The following KDM2B variants were observed in gnomAD, a reference collection of about 807,000 sequenced individuals.
KDM2B encodes lysine-specific demethylase 2B.
Under a neutral mutation model 150.0 loss-of-function variants are expected in KDM2B, and 26 were observed. The observed-to-expected ratio is 0.17, with a 90% CI of 0.13 to 0.24. The LOEUF (loss-of-function observed/expected upper bound fraction) is 0.24, where lower values mean the gene tolerates loss of function less well. KDM2B is among the 10% of genes least tolerant of loss of function. The probability of loss-of-function intolerance (pLI) is 1.00; values close to 1 mark genes in which losing one functional copy is unlikely to be tolerated. For missense variants in KDM2B, 1,265 were observed against 1,816.9 expected (o/e 0.70, Z 5.52); for synonymous variants, 734 against 729.5 (o/e 1.01, Z -0.10).
intron 11 of KDM2B, among the ~76,000 whole-genome samples, chr12:121,497,609 G>C (rs929638639): frequency 3.3e-5 from 5 of 151,622 alleles, no homozygotes; most frequent in Admixed American, 1.3e-4. Context: ...CCTGGCCCCA[G>C]AGTTTTTATA....
Position 121,442,122 on chromosome 12 carries a change from C to T in KDM2B, c.3284+35G>A. On this transcript the variant is annotated intron_variant, in intron 19 of 22. Transcript: ENST00000377071. This position sits in a 1 kb window ranked among gnomAD's most constrained non-coding sequence, Gnocchi z 7.7. Reference sequence around the variant, plus strand: ...CGGGCCATCCCTGGTGCCGCCTGAGCCTTAACCTAGAGCCCTACACAGGCC... The same window carrying T: ...CGGGCCATCCCTGGTGCCGCCTGAGTCTTAACCTAGAGCCCTACACAGGCC... 6.3e-7 allele frequency: 1 copy of T among 1,590,118 alleles called. No homozygotes were observed. The highest frequency in any genetic ancestry group is 1.1e-5 in the South Asian group (1 of 90,494).
In KDM2B at chr12:121,534,468, A is replaced by G. The variant is rs1276049167; in HGVS notation, c.777+29T>C. ...TCCCCACACAAACAGCTAGAGATGC[A>G]TAGAAAGTTAAAGGCAACTGAAACT... On this transcript the variant is annotated intron_variant, in intron 7 of 22. Coordinates refer to ENST00000377071, the MANE Select transcript of KDM2B (RefSeq NM_032590.5). The G allele has an allele frequency of 2.6e-6, 4 of 1,547,746 alleles. No individual in the cohort carries two copies. The African/African-American group carries it at 4.1e-5, about 16-fold the overall frequency.
At chr12:121,441,603 A>AT (rs1241032323) in intron 19 of KDM2B, among the ~76,000 whole-genome samples, 1 of 151,942 alleles carries the variant, frequency 6.6e-6, no homozygotes, top group African/African-American at 2.4e-5. Context: ...CACCCGGCTA[A>AT]TTTTTTTATT....
chr12:121,500,973 T>C (rs1555301835), intron 11 of KDM2B, among the ~76,000 whole-genome samples: 1 of 152,130 alleles, frequency 6.6e-6, no homozygotes, highest in Non-Finnish European at 1.5e-5. Flanking sequence ...TGGCGGCACA[T>C]GCCCATAGTC....
At chr12:121,534,162 A>G (rs367698249) in intron 7 of KDM2B, among the ~76,000 whole-genome samples, 1 of 152,196 alleles carries the variant, frequency 6.6e-6, no homozygotes, top group African/African-American at 2.4e-5. Context: ...ATCCTGGCTA[A>G]CACGGTGAAA....
chr12:121,447,585 C>T (rs1876489986), intron 13 of KDM2B, among the ~76,000 whole-genome samples: 1 of 152,030 alleles, frequency 6.6e-6, no homozygotes, highest in South Asian at 2.1e-4. Context: ...CAGAGATTTA[C>T]AAAAATATAA....
chr12:121,478,568 C>T (rs1555297224), intron 12 of KDM2B, among the ~76,000 whole-genome samples: 1 of 151,750 alleles, frequency 6.6e-6, no homozygotes, highest in Non-Finnish European at 1.5e-5. Context: ...ACCGTGTTAA[C>T]CAGGATGGTC....
intron 21 of KDM2B, 80 bp from the exon 22 acceptor site, chr12:121,440,155 C>A: frequency 3.0e-6 from 3 of 1,006,112 alleles, no homozygotes; most frequent in Non-Finnish European, 4.5e-6. Context: ...CTCTAAAAGG[C>A]CCACCAGCCA....
the KDM2B span, chr12:121,417,465 T>A: frequency 6.4e-7 from 1 of 1,559,980 alleles, no homozygotes. This position sits in a 1 kb window ranked among gnomAD's most constrained non-coding sequence, Gnocchi z 5.0. Context: ...TTCATAATGG[T>A]TTATATCTTG....
intron 12 of KDM2B, among the ~76,000 whole-genome samples, chr12:121,489,673 C>G (rs1442093038): frequency 1.3e-5 from 2 of 152,110 alleles, no homozygotes; most frequent in Non-Finnish European, 2.9e-5. Context: ...CTCCTGGCCT[C>G]AAGTGATCCA....
Position 121,442,387 on chromosome 12 carries a change from G to A in KDM2B, c.3054C>T (p.Ser1018=). ...GGGGCCGGGAGATGACACGGGGCGG[G>A]CTGCGCAGGCTGGGCCCCAGCTGGT... ...LRHQLGPSLR[S]PPRVISRPPP... is the part of the protein sequence containing the mutation. Residue 1018 remains serine, a synonymous_variant, in exon 19 of 23, where the codon AGC becomes AGT. Transcript: ENST00000377071. This position sits in a 1 kb window ranked among gnomAD's most constrained non-coding sequence, Gnocchi z 7.7. 3 of 1,589,570 alleles carry A rather than the reference G, an allele frequency of 1.9e-6. No individual in the cohort carries two copies. Among genetic ancestry groups the A allele is most frequent in the East Asian group, 4.5e-5 (2 of 44,086 alleles).
At chr12:121,456,674 G>A (rs1183096852) in intron 12 of KDM2B, among the ~76,000 whole-genome samples, 1 of 152,216 alleles carries the variant, frequency 6.6e-6, no homozygotes, top group Non-Finnish European at 1.5e-5. Flanking sequence ...GTCTGGGCAA[G>A]TAAAAACGTT....
intron 12 of KDM2B, chr12:121,494,337 C>G: frequency 2.2e-6 from 1 of 449,894 alleles, no homozygotes; most frequent in Non-Finnish European, 4.0e-6. Flanking sequence ...GGCGAGGTGT[C>G]AGCACCCCCC....
rs1452460244 is a variant in KDM2B, at chr12:121,537,971, G to C, written c.684-3381C>G. Among the ~76,000 whole-genome samples the C allele has an allele frequency of 2.0e-5, 3 of 150,622 alleles. No individual in the cohort carries two copies. The highest frequency in any genetic ancestry group is 4.4e-5 in the Non-Finnish European group (3 of 67,456). ...CCTTCGGCTCCCGGGCGTCCCCTTC[G>C]GCTGCGGAGGCTCGACGCGCGCCCG... On this transcript the variant is annotated intron_variant, in intron 6 of 22. Transcript: ENST00000377071. The surrounding 1 kb of genome is among the most constrained non-coding windows in gnomAD (Gnocchi z 8.7).
Position 121,574,530 on chromosome 12 carries a change from C to T in KDM2B, c.397+17G>A. On this transcript the variant is annotated intron_variant, in intron 4 of 22. Coordinates refer to ENST00000377071, the MANE Select transcript of KDM2B (RefSeq NM_032590.5). ...TACTTCAGCATGTCTGAGCCACACACACGGCAAGCGACTTACCCACTAGGA... is the reference window on the plus strand; with the variant it reads ...TACTTCAGCATGTCTGAGCCACACATACGGCAAGCGACTTACCCACTAGGA... 4 of 1,613,260 alleles carry T rather than the reference C, an allele frequency of 2.5e-6. No individual in the cohort carries two copies. The highest frequency in any genetic ancestry group is 3.4e-6 in the Non-Finnish European group (4 of 1,179,432).
rs75990658 is a variant in KDM2B at position 121,435,203 on chromosome 12, G to A, written c.3829+4654C>T. 2.1e-3 allele frequency among the ~76,000 whole-genome samples: 313 copies of A among 152,328 alleles called. 1 individual carries two copies. The highest frequency in any genetic ancestry group is 7.1e-3 in the African/African-American group (297 of 41,576). ...AAAAAGTCTGGAGATGGATGTTGGTGACAGTTGCACAACATTGTGAATGTA... is the reference window on the plus strand; with the variant it reads ...AAAAAGTCTGGAGATGGATGTTGGTAACAGTTGCACAACATTGTGAATGTA... On this transcript the variant is annotated intron_variant, in intron 22 of 22. Coordinates refer to ENST00000377071, the MANE Select transcript of KDM2B (RefSeq NM_032590.5).
At chr12:121,516,676 C>CCTCAGGGCACA (rs1555305053) in intron 9 of KDM2B, 1 of 649,580 alleles carries the variant, frequency 1.5e-6, no homozygotes, top group Non-Finnish European at 2.6e-6. Flanking sequence ...TACCAGAGGA[C>CCTCAGGGCACA]CTCAGGGCCC....
chr12:121,488,468 G>T (rs1471854165), intron 12 of KDM2B, among the ~76,000 whole-genome samples: 1 of 152,186 alleles, frequency 6.6e-6, no homozygotes, highest in Admixed American at 6.6e-5. Flanking sequence ...ACCTTTCACA[G>T]ATGAGTAAAC....
At chr12:121,504,523 A>G (rs935823015) in intron 11 of KDM2B, among the ~76,000 whole-genome samples, 1 of 152,224 alleles carries the variant, frequency 6.6e-6, no homozygotes, top group Non-Finnish European at 1.5e-5. Flanking sequence ...TGACAGAGTG[A>G]GACCCCCATC....
Sources: allele counts gnomAD v4.1 joint callset (sites outside exome capture counted in the v4.1 genomes callset), GRCh38; gene constraint gnomAD v4.1.1; non-coding constraint Gnocchi (gnomAD v3.1); transcripts MANE v1.5; gene names NCBI Gene and HGNC (gene_info 2026-07-23, HGNC 2026-07-21).